Variants in SRL observed in about 807,000 individuals in gnomAD.
SRL encodes sarcalumenin.
Under a neutral mutation model 39.5 loss-of-function variants are expected in SRL, and 23 were observed. The ratio of observed to expected loss-of-function variants is 0.58; its 90% CI spans 0.42 to 0.82. The LOEUF (loss-of-function observed/expected upper bound fraction) is 0.82. Ranked by LOEUF, SRL falls within the 40% of genes least tolerant of loss-of-function variation. SRL has a pLI of 0.00. For synonymous variants in SRL, 272 were observed against 237.4 expected (o/e 1.15, Z -1.34); for missense variants, 592 against 607.8 (o/e 0.97, Z 0.27).
chr16:4,234,100 T>C (rs1462972636), intron 1 of SRL, among the ~76,000 whole-genome samples: 1 of 152,104 alleles, frequency 6.6e-6, no homozygotes, highest in Non-Finnish European at 1.5e-5. Context: ...GCTCAAGCCA[T>C]CCTTCCACCT....
chr16:4,190,316 C>T lies in SRL; in HGVS notation c.*1837G>A. 2 of 399,254 alleles carry T rather than the reference C, an allele frequency of 5.0e-6. No individual in the cohort carries two copies. Among genetic ancestry groups the T allele is most frequent in the Non-Finnish European group, 8.8e-6 (2 of 226,496 alleles). The allele number at this position is 399,254 out of a possible 1,614,324, so 24.7% of individuals were successfully genotyped here. On this transcript the variant is annotated 3_prime_UTR_variant, in exon 6 of 6. Coordinates refer to ENST00000399609, the MANE Select transcript of SRL (RefSeq NM_001098814.2). The stretch of plus-strand genomic sequence containing the variant: ...GCCTCTCCCTCTGCCTGCCTTTCCA[C>T]TGTCCTGGGTCCAGGATGACTTCCT...
chr16:4,227,938 G>A (rs991861051), intron 1 of SRL, among the ~76,000 whole-genome samples: 4 of 152,230 alleles, frequency 2.6e-5, no homozygotes, highest in African/African-American at 9.6e-5. Flanking sequence ...GAGCAGGAAT[G>A]TGAACCCAAA....
intron 5 of SRL, 23 bp downstream of exon 5, chr16:4,195,530 T>G (rs1313139088): frequency 1.2e-6 from 2 of 1,611,488 alleles, no homozygotes; most frequent in African/African-American, 2.7e-5. Context: ...GCTTACACTG[T>G]TCAGAAATGA....
At chr16:4,235,049 G>A (rs1332962569) in intron 1 of SRL, among the ~76,000 whole-genome samples, 1 of 152,198 alleles carries the variant, frequency 6.6e-6, no homozygotes, top group Non-Finnish European at 1.5e-5. Flanking sequence ...CTCCCCCCAT[G>A]ACCAGTGTCT....
rs982354637 is a variant in SRL at position 4,189,392 on chromosome 16, T to C, written c.*2761A>G. On this transcript the variant is annotated 3_prime_UTR_variant, in exon 6 of 6. Transcript: ENST00000399609. ...CGCGGTGTTAAAGAGAGATCGGAAC[T>C]TTATTGAGACTGATGAAATCAGAAC... 1.3e-5 allele frequency: 2 copies of C among 152,200 alleles called. No homozygotes were observed. Among genetic ancestry groups the C allele is most frequent in the Non-Finnish European group, 2.9e-5 (2 of 68,044 alleles). The allele number at this position is 152,200 out of a possible 1,614,324, so 9.4% of individuals were successfully genotyped here.
intron 1 of SRL, among the ~76,000 whole-genome samples, chr16:4,231,341 A>T (rs1450261204): frequency 6.6e-6 from 1 of 152,174 alleles, no homozygotes; most frequent in Non-Finnish European, 1.5e-5. Flanking sequence ...TGTGGCTTTA[A>T]GCTACTGACT....
At position 4,189,972 on chromosome 16, in the gene SRL, G is replaced by A. The variant is rs1483370128; in HGVS notation, c.*2181C>T. On this transcript the variant is annotated 3_prime_UTR_variant, in exon 6 of 6. Transcript: ENST00000399609. ...TGAGGCGAGGGGTTCTGGGGTTTGC[G>A]GAGGGTGGTTAATGAGAAGAAAAGT... The A allele has an allele frequency of 3.7e-5, 10 of 273,914 alleles. No homozygotes were observed. Among genetic ancestry groups the A allele is most frequent in the African/African-American group, 8.7e-5 (4 of 45,814 alleles). 17.0% of individuals were successfully genotyped at this position (273,914 alleles called of 1,614,324 possible).
intron 1 of SRL, chr16:4,207,901 C>G (rs1040670380): frequency 2.2e-6 from 1 of 456,556 alleles, no homozygotes; most frequent in African/African-American, 2.0e-5. Context: ...TCGGGGCCCG[C>G]GCTGGCGGCA....
Position 4,192,602 on chromosome 16 carries a change from T to G in SRL, c.973A>C (p.Arg325=), listed in dbSNP as rs369679360. Residue 325 remains arginine (R), a synonymous_variant, in exon 6 of 6, where the codon AGA becomes CGA. Coordinates refer to ENST00000399609, the MANE Select transcript of SRL (RefSeq NM_001098814.2). This position sits in a 1 kb window ranked among gnomAD's most constrained non-coding sequence, Gnocchi z 4.0. The part of the protein sequence containing the change: ...LEDLNQVIEN[R]LENKIAFIRQ... ...ATGAAGGCAATCTTGTTCTCCAGTC[T>G]GTTCTCGATCACCTGATTCAGGTCT... 6.2e-7 allele frequency: 1 copy of G among 1,614,192 alleles called. No individual in the cohort carries two copies. The highest frequency in any genetic ancestry group is 8.5e-7 in the Non-Finnish European group (1 of 1,180,024).
intron 3 of SRL, 83 bp from the exon 4 acceptor site, chr16:4,197,998 A>C: frequency 4.5e-4 from 402 of 900,196 alleles, no homozygotes; most frequent in Non-Finnish European, 6.7e-4. Flanking sequence ...AAAGCATCTC[A>C]CCGTCCATCC....
intron 1 of SRL, among the ~76,000 whole-genome samples, chr16:4,209,725 G>C (rs147745210): frequency 1.9e-3 from 295 of 152,318 alleles, no homozygotes; most frequent in African/African-American, 6.8e-3. Flanking sequence ...GAGCCCCGTG[G>C]ATTGAAATAT....
intron 1 of SRL, among the ~76,000 whole-genome samples, chr16:4,223,476 C>T (rs568826547): frequency 2.0e-4 from 30 of 151,990 alleles, no homozygotes; most frequent in South Asian, 1.9e-3. Flanking sequence ...CTCCAGGGCT[C>T]AAACGATCCT....
At chr16:4,226,421 G>T (rs1048495446) in intron 1 of SRL, among the ~76,000 whole-genome samples, 5 of 151,848 alleles carry the variant, frequency 3.3e-5, no homozygotes, top group African/African-American at 1.2e-4. Context: ...ATGGATGGAT[G>T]AATGGATGGA....
chr16:4,205,273 CA>C, intron 1 of SRL, among the ~76,000 whole-genome samples: 1 of 152,194 alleles, frequency 6.6e-6, no homozygotes, highest in South Asian at 2.1e-4. Flanking sequence ...ATGACCACCC[CA>C]CTGCACTCCA....
intron 3 of SRL, among the ~76,000 whole-genome samples, chr16:4,199,257 C>T (rs186558666): frequency 1.3e-5 from 2 of 152,212 alleles, no homozygotes; most frequent in Admixed American, 6.5e-5. Context: ...CAGTCTGCCT[C>T]AGCCCTGACA....
rs548821133 is a variant in SRL, at chr16:4,236,758, C to A, written c.61+5249G>T. Among the ~76,000 whole-genome samples, 7 of 152,278 alleles carry A rather than the reference C, an allele frequency of 4.6e-5. 1 individual carries two copies. The South Asian group carries it at 1.2e-3, about 27-fold the overall frequency. On this transcript the variant is annotated intron_variant, in intron 1 of 5. Coordinates refer to ENST00000399609, the MANE Select transcript of SRL (RefSeq NM_001098814.2). Reference sequence around the variant, plus strand: ...TCCCGGGTACAAGCAATTCTCCTGCCTCAGCCTCCCGAGTAGCTGGGATTA... The same window carrying A: ...TCCCGGGTACAAGCAATTCTCCTGCATCAGCCTCCCGAGTAGCTGGGATTA...
intron 1 of SRL, among the ~76,000 whole-genome samples, chr16:4,236,264 TG>T (rs1194417449): frequency 6.6e-6 from 1 of 152,172 alleles, no homozygotes; most frequent in Non-Finnish European, 1.5e-5. Flanking sequence ...AGTGACCTCC[TG>T]GTTGTCAGAA....
chr16:4,216,912 G>C (rs1357951138), intron 1 of SRL, among the ~76,000 whole-genome samples: 2 of 152,166 alleles, frequency 1.3e-5, no homozygotes, highest in African/African-American at 2.4e-5. Context: ...CTAACTTTTG[G>C]GCCCCAGACA....
intron 3 of SRL, 36 bp downstream of exon 3, chr16:4,203,130 G>A (rs35383355): frequency 0.2 from 312,707 of 1,586,536 alleles, 34,273 homozygotes; most frequent in African/African-American, 0.39. Context: ...CGCCGTACCC[G>A]TAATCTCAAG....
Sources: gnomAD v4.1 joint callset for allele counts (sites outside exome capture counted in the v4.1 genomes callset) on GRCh38, gnomAD v4.1.1 for gene constraint, Gnocchi (gnomAD v3.1) non-coding constraint, MANE v1.5 for transcripts, NCBI Gene and HGNC (gene_info 2026-07-23, HGNC 2026-07-21) for gene names.